Variants in LAMA2 observed in about 807,000 individuals in gnomAD.
LAMA2 encodes laminin subunit alpha 2.
LAMA2 carries 269 observed loss-of-function variants against 364.8 expected under a neutral mutation model. The observed-to-expected ratio is 0.74, with a 90% CI of 0.67 to 0.82. The LOEUF is 0.82. Ranked by LOEUF, LAMA2 falls within the 40% of genes least tolerant of loss-of-function variation. LAMA2 has a pLI of 0.00. For missense variants in LAMA2, 3,807 were observed against 3,873.2 expected, an observed-to-expected ratio of 0.98 and a Z score of 0.45; for synonymous variants, 1,379 against 1,370.6, an observed-to-expected ratio of 1.01 and a Z score of -0.14.
Position 129,403,931 on chromosome 6 carries a change from A to G in LAMA2, c.5837A>G (p.Lys1946Arg), listed in dbSNP as rs775017229. ...DEAEKVAKEA[K>R]DLAHEATKLA... ...GCTGAGAAAGTTGCCAAAGAAGCCA[A>G]AGATCTTGCACATGAAGCTACAAAA... The change falls in exon 40 of 65, where the codon AAA (lysine) becomes AGA (arginine). Residue 1946 changes from lysine to arginine, a missense_variant. Physicochemically the swap from Lys to Arg is conservative, Grantham distance 26. Around this residue, in one of 3 missense-constraint regions of LAMA2, gnomAD observed 3,333 missense variants for 3,345.7 expected, o/e 1.00. Coordinates refer to ENST00000421865, the MANE Select transcript of LAMA2 (RefSeq NM_000426.4). The G allele has an allele frequency of 1.2e-6, 2 of 1,613,982 alleles. No individual in the cohort carries two copies. Among genetic ancestry groups the G allele is most frequent in the African/African-American group, 2.7e-5 (2 of 75,042 alleles).
chr6:129,315,693 T>C (rs767929765), intron 25 of LAMA2, 38 bp downstream of exon 25: 1 of 1,611,506 alleles, frequency 6.2e-7, no homozygotes, highest in Admixed American at 1.7e-5. Context: ...GAGAACAAGA[T>C]AAAATCTTTT....
rs563085681 is a variant in LAMA2 at position 129,201,915 on chromosome 6, C to T, written c.1782+9062C>T. Among the ~76,000 whole-genome samples, 9 of 152,132 alleles carry T rather than the reference C, an allele frequency of 5.9e-5. No individual in the cohort carries two copies. The South Asian group carries it at 8.3e-4, about 14-fold the overall frequency. ...TCAGAAAAAAACTAACATGGCCAGG[C>T]GCGGTGGCTCATGCCTGTAATCCCA... On this transcript the variant is annotated intron_variant, in intron 12 of 64. Transcript: ENST00000421865.
intron 18 of LAMA2, among the ~76,000 whole-genome samples, chr6:129,284,003 T>G (rs1788920037): frequency 6.6e-6 from 1 of 152,130 alleles, no homozygotes; most frequent in Admixed American, 6.5e-5. Context: ...AGGGGAAGAT[T>G]GAGGGCTTGA....
intron 55 of LAMA2, among the ~76,000 whole-genome samples, chr6:129,483,517 A>G (rs1355933008): frequency 6.6e-6 from 1 of 152,196 alleles, no homozygotes; most frequent in African/African-American, 2.4e-5. Context: ...TATAGTCAAC[A>G]TGTTAATGAA....
chr6:129,174,315 CTT>C (rs1216369174), intron 9 of LAMA2, among the ~76,000 whole-genome samples: 2 of 151,942 alleles, frequency 1.3e-5, no homozygotes, highest in Admixed American at 6.6e-5. Flanking sequence ...TTCCAATACT[CTT>C]TTTTACTCAT....
At chr6:129,374,175 G>A (rs773491468) in intron 34 of LAMA2, among the ~76,000 whole-genome samples, 2 of 152,144 alleles carry the variant, frequency 1.3e-5, no homozygotes, top group Non-Finnish European at 2.9e-5. Context: ...TGGTCAAGCT[G>A]CATGACAATC....
intron 1 of LAMA2, among the ~76,000 whole-genome samples, chr6:128,987,378 G>A (rs2114652210): frequency 6.6e-6 from 1 of 151,950 alleles, no homozygotes; most frequent in African/African-American, 2.4e-5. Flanking sequence ...CCTGACCTTG[G>A]GATCCAACCG....
rs901411290 is a variant in LAMA2, at chr6:129,497,203, T to C, written c.8244+4720T>C. Among the ~76,000 whole-genome samples, 4 of 152,212 alleles carry C rather than the reference T, an allele frequency of 2.6e-5. No individual in the cohort carries two copies. In the East Asian group the frequency reaches 7.7e-4, roughly 29 times the overall value. ...ATGTGGTTATTAAATAAGTCCTCTATAATTTTCACTTCTCACCATTTTCCA... is the reference window on the plus strand; with the variant it reads ...ATGTGGTTATTAAATAAGTCCTCTACAATTTTCACTTCTCACCATTTTCCA... On this transcript the variant is annotated intron_variant, in intron 58 of 64. Coordinates refer to ENST00000421865, the MANE Select transcript of LAMA2 (RefSeq NM_000426.4).
chr6:128,949,501 A>G (rs957152922), intron 1 of LAMA2, among the ~76,000 whole-genome samples: 2 of 152,212 alleles, frequency 1.3e-5, no homozygotes, highest in African/African-American at 4.8e-5. Flanking sequence ...GAAATGTTTG[A>G]AAAAGAAAGA....
chr6:129,403,941 A>G lies in LAMA2; in HGVS notation c.5847A>G (p.Ala1949=). 6.2e-7 allele frequency: 1 copy of G among 1,613,982 alleles called. No individual in the cohort carries two copies. Among genetic ancestry groups the G allele is most frequent in the Non-Finnish European group, 8.5e-7 (1 of 1,179,874 alleles). ...TTGCCAAAGAAGCCAAAGATCTTGC[A>G]CATGAAGCTACAAAACTGGTAAGAA... The part of the protein sequence containing the change: ...EKVAKEAKDL[A]HEATKLATGP... Residue 1949 remains alanine, a synonymous_variant, in exon 40 of 65, where the codon GCA becomes GCG. Coordinates refer to ENST00000421865, the MANE Select transcript of LAMA2 (RefSeq NM_000426.4).
chr6:129,208,307 G>A (rs113991083), intron 12 of LAMA2, among the ~76,000 whole-genome samples: 13 of 152,050 alleles, frequency 8.5e-5, no homozygotes, highest in African/African-American at 2.9e-4. Context: ...TATTTTGAGG[G>A]TTAAATGAGT....
At chr6:129,442,936 C>A in intron 43 of LAMA2, 127 bp from the exon 44 acceptor site, 1 of 638,892 alleles carries the variant, frequency 1.6e-6, no homozygotes, top group Non-Finnish European at 2.7e-6. Flanking sequence ...AAATGGGGTG[C>A]ATTTATAATT....
intron 43 of LAMA2, 48 bp from the exon 44 acceptor site, chr6:129,443,015 G>A: frequency 1.4e-6 from 2 of 1,456,820 alleles, no homozygotes; most frequent in Non-Finnish European, 1.9e-6. Flanking sequence ...ACTTCCTCAT[G>A]AATTTATAAT....
chr6:129,117,412 A>C (rs558056771), intron 4 of LAMA2, among the ~76,000 whole-genome samples: 2 of 152,306 alleles, frequency 1.3e-5, no homozygotes, highest in African/African-American at 4.8e-5. Flanking sequence ...AGTCTAACTT[A>C]ATTCATGAAG....
chr6:129,005,217 TA>T (rs1192403541), intron 1 of LAMA2, among the ~76,000 whole-genome samples: 5 of 152,072 alleles, frequency 3.3e-5, no homozygotes, highest in African/African-American at 4.8e-5. Context: ...GTTAGACCTA[TA>T]TAAGGCAGTA....
chr6:129,178,575 G>A (rs766223046), intron 10 of LAMA2, among the ~76,000 whole-genome samples: 9 of 152,146 alleles, frequency 5.9e-5, no homozygotes, highest in Non-Finnish European at 8.8e-5. Flanking sequence ...ACCAGACGGT[G>A]TATAACTACA....
chr6:129,399,727 G>C (rs1779858839), intron 37 of LAMA2, among the ~76,000 whole-genome samples: 1 of 152,152 alleles, frequency 6.6e-6, no homozygotes, highest in Non-Finnish European at 1.5e-5. Flanking sequence ...ATATCTGCAA[G>C]TGCAAAGGCT....
At chr6:129,099,541 T>C (rs1356265683) in intron 4 of LAMA2, among the ~76,000 whole-genome samples, 1 of 152,148 alleles carries the variant, frequency 6.6e-6, no homozygotes, top group African/African-American at 2.4e-5. Flanking sequence ...TTGATACTCA[T>C]GTCTGATATT....
chr6:129,056,517 A>G (rs1270857036), intron 2 of LAMA2, among the ~76,000 whole-genome samples: 1 of 152,166 alleles, frequency 6.6e-6, no homozygotes, highest in Non-Finnish European at 1.5e-5. Context: ...AAATTTACCA[A>G]TAATAATGGA....
Sources: gnomAD v4.1 joint callset for allele counts (sites outside exome capture counted in the v4.1 genomes callset) on GRCh38, gnomAD v4.1.1 for gene constraint, gnomAD v4.1.1 regional missense constraint, MANE v1.5 for transcripts, NCBI Gene and HGNC (gene_info 2026-07-23, HGNC 2026-07-21) for gene names.